The following ANKRD53 variants were observed in gnomAD, a reference collection of about 807,000 sequenced individuals.
The protein encoded by ANKRD53 is ankyrin repeat domain-containing protein 53.
ANKRD53 carries 27 observed loss-of-function variants against 30.1 expected under a neutral mutation model. The observed-to-expected ratio is 0.90, with a 90% confidence interval of 0.66 to 1.24. The LOEUF (loss-of-function observed/expected upper bound fraction) is 1.24. Among genes scored for constraint, ANKRD53 ranks in the 50% most tolerant of loss-of-function variants. The probability of loss-of-function intolerance (pLI) is 0.00; values close to 1 mark genes in which losing one functional copy is unlikely to be tolerated. For missense variants in ANKRD53, 682 were observed against 721.0 expected (o/e 0.95, Z 0.62); for synonymous variants, 286 against 295.4 (o/e 0.97, Z 0.33).
In ANKRD53 at chr2:70,985,329, G is replaced by A. The variant is rs1430740984; in HGVS notation, c.*29G>A. The A allele has an allele frequency of 5.9e-6, 9 of 1,535,488 alleles. No individual in the cohort carries two copies. The highest frequency in any genetic ancestry group is 1.4e-5 in the African/African-American group (1 of 72,874). ...TATTATGGCTACCTCTCCCCCTGAG[G>A]CAGCCCAGTGAAGGCTGAAGTGTGG... On this transcript the variant is annotated 3_prime_UTR_variant, in exon 6 of 6. Transcript: ENST00000360589.
rs1008432813 is a variant in ANKRD53 at position 70,984,475 on chromosome 2, T to A, written c.904-136T>A. 3.9e-6 allele frequency: 6 copies of A among 1,525,390 alleles called. No homozygotes were observed. The African/African-American group carries it at 5.6e-5, about 14-fold the overall frequency. The allele number at this position is 1,525,390 out of a possible 1,614,324, so 94.5% of individuals were successfully genotyped here. ...GGTGTTGCTTCCATCAGACTCAGAC[T>A]TTCCCTCCCATCAGACTCAGAGTTT... On this transcript the variant is annotated intron_variant, in intron 5 of 5. Transcript: ENST00000360589.
intron 5 of ANKRD53, 154 bp from the exon 6 acceptor site, chr2:70,984,457 C>G: frequency 1.0e-6 from 1 of 985,416 alleles, no homozygotes. Context: ...GCAGGTGTTG[C>G]TTCCATCAGA....
rs782123032 is a variant in ANKRD53, at chr2:70,982,633, C to T, written c.839C>T (p.Thr280Met). Residue 280 changes from threonine (T) to methionine (M), a missense_variant, in exon 5 of 6, where the codon ACG becomes ATG. By Grantham distance (81) the Thr-to-Met change is moderately conservative (BLOSUM62 -1). Transcript: ENST00000360589. This position sits in a 1 kb window ranked among gnomAD's most constrained non-coding sequence, Gnocchi z 4.2. ...KDKKDFAREM[T>M]KMKMFKSQLT... ...AAGAAGGACTTTGCCCGTGAGATGA[C>T]GAAAATGAAGATGTTCAAGAGCCAG... is the stretch of plus-strand genomic sequence containing the variant. 42 of 1,613,908 alleles carry T rather than the reference C, an allele frequency of 2.6e-5. No individual in the cohort carries two copies. Among genetic ancestry groups the T allele is most frequent in the Admixed American group, 1.0e-4 (6 of 59,984 alleles).
At chr2:70,984,276 A>G in intron 5 of ANKRD53, 1 of 1,614,092 alleles carries the variant, frequency 6.2e-7, no homozygotes, top group Non-Finnish European at 8.5e-7. Context: ...TCCCTAGGGC[A>G]GGGACTGTGT....
Position 70,978,916 on chromosome 2 carries a change from GC to G in ANKRD53, c.170+104del. On this transcript the variant is annotated intron_variant, in intron 1 of 5. Transcript: ENST00000360589. The surrounding 1 kb of genome is among the most constrained non-coding windows in gnomAD (Gnocchi z 4.3). ...GGAGCGGGCGGGGGCGGAGGCTGCG[GC>G]CCGAGAAGCCAGCAGAGACAGGCTG... 2 of 1,452,900 alleles carry G rather than the reference GC, an allele frequency of 1.4e-6. No individual in the cohort carries two copies. The highest frequency in any genetic ancestry group is 1.8e-6 in the Non-Finnish European group (2 of 1,099,234). 90.0% of individuals were successfully genotyped at this position (1,452,900 alleles called of 1,614,324 possible).
chr2:70,980,567 G>A (rs1368283386), intron 3 of ANKRD53, among the ~76,000 whole-genome samples: 3 of 151,724 alleles, frequency 2.0e-5, no homozygotes, highest in East Asian at 1.9e-4. Flanking sequence ...GCTTGAACCC[G>A]GGAGGTGGAG....
At chr2:70,984,540 A>G in intron 5 of ANKRD53, 71 bp from the exon 6 acceptor site, 3 of 1,565,474 alleles carry the variant, frequency 1.9e-6, no homozygotes, top group Non-Finnish European at 2.6e-6. Flanking sequence ...AGCTACAGCC[A>G]CAGGACCTCC....
chr2:70,980,495 C>T (rs1422748951), intron 3 of ANKRD53, among the ~76,000 whole-genome samples: 9 of 151,144 alleles, frequency 6.0e-5, no homozygotes, highest in Non-Finnish European at 8.8e-5. Context: ...AAAATATGAA[C>T]ACCTGGCCGG....
At chr2:70,981,372 G>C (rs782684778) in intron 3 of ANKRD53, among the ~76,000 whole-genome samples, 9 of 152,094 alleles carry the variant, frequency 5.9e-5, no homozygotes, top group Non-Finnish European at 7.3e-5. Context: ...GATGGTGTAG[G>C]GGGTAAAGCA....
rs983664063 is a variant in ANKRD53, at chr2:70,982,282, G to A, written c.782+182G>A. Reference sequence around the variant, plus strand: ...ATCACCTCATCACCTGGGCTTGGGGGTAAGTCTGCCCAGGTCCCCTGCTCT... The same window carrying A: ...ATCACCTCATCACCTGGGCTTGGGGATAAGTCTGCCCAGGTCCCCTGCTCT... On this transcript the variant is annotated intron_variant, in intron 4 of 5. Transcript: ENST00000360589. This position sits in a 1 kb window ranked among gnomAD's most constrained non-coding sequence, Gnocchi z 4.2. 3.6e-5 allele frequency: 29 copies of A among 809,482 alleles called. 1 individual carries two copies. The Middle Eastern group carries it at 1.1e-3, about 31-fold the overall frequency. 50.1% of individuals were successfully genotyped at this position (809,482 alleles called of 1,614,324 possible).
intron 3 of ANKRD53, 110 bp from the exon 4 acceptor site, chr2:70,981,825 TG>T: frequency 8.2e-7 from 1 of 1,216,160 alleles, no homozygotes; most frequent in Non-Finnish European, 1.1e-6. Flanking sequence ...GATCACCCAG[TG>T]GACTGATGGT....
At chr2:70,979,597 T>C (rs1553423147) in intron 2 of ANKRD53, 64 bp from the exon 3 acceptor site, 5 of 1,512,202 alleles carry the variant, frequency 3.3e-6, no homozygotes, top group Non-Finnish European at 3.6e-6. Flanking sequence ...TAAATTTATA[T>C]AAATTGTGGA....
rs782540262 is a variant in ANKRD53, at chr2:70,982,561, C to A, written c.783-16C>A. 108 of 1,613,792 alleles carry A rather than the reference C, an allele frequency of 6.7e-5. No individual in the cohort carries two copies. The highest frequency in any genetic ancestry group is 8.8e-5 in the Non-Finnish European group (104 of 1,179,844). On this transcript the variant is annotated splice_polypyrimidine_tract_variant and intron_variant, in intron 4 of 5. Transcript: ENST00000360589. The surrounding 1 kb of genome is among the most constrained non-coding windows in gnomAD (Gnocchi z 4.2). ...GTCACTGTGGGATGACACCCCCGCC[C>A]TGACCTTGGCACCAGGTTCTTGAAG...
At position 70,982,710 on chromosome 2, in the gene ANKRD53, G is replaced by A; in HGVS notation, c.903+13G>A. 6.2e-7 allele frequency: 1 copy of A among 1,613,128 alleles called. No homozygotes were observed. Among genetic ancestry groups the A allele is most frequent in the Non-Finnish European group, 8.5e-7 (1 of 1,179,458 alleles). On this transcript the variant is annotated intron_variant, in intron 5 of 5. Transcript: ENST00000360589. This position sits in a 1 kb window ranked among gnomAD's most constrained non-coding sequence, Gnocchi z 4.2. ...GATTGAGTATCAAGTAAGGGGGACAGCAGGGGGGCCAGGGGACAGCTGCTA... is the reference window on the plus strand; with the variant it reads ...GATTGAGTATCAAGTAAGGGGGACAACAGGGGGGCCAGGGGACAGCTGCTA...
intron 5 of ANKRD53, 116 bp from the exon 6 acceptor site, chr2:70,984,495 G>C: frequency 6.5e-7 from 1 of 1,532,674 alleles, no homozygotes. Context: ...ATCAGACTCA[G>C]AGTTTCCCTC....
rs150663809 is a variant in ANKRD53, at chr2:70,981,716, C to T, written c.618-220C>T. 5.9e-3 allele frequency among the ~76,000 whole-genome samples: 898 copies of T among 152,298 alleles called. 8 individuals carry two copies. Among genetic ancestry groups the T allele is most frequent in the African/African-American group, 0.02 (846 of 41,572 alleles). Reference sequence around the variant, plus strand: ...TCTCCTTCCAGCAGTTCTTAACTATCACATACCTTCTAAAGTCAGATTTTT... The same window carrying T: ...TCTCCTTCCAGCAGTTCTTAACTATTACATACCTTCTAAAGTCAGATTTTT... On this transcript the variant is annotated intron_variant, in intron 3 of 5. Transcript: ENST00000360589.
Position 70,985,284 on chromosome 2 carries a change from C to A in ANKRD53, c.1577C>A (p.Pro526Gln). 1 of 1,549,590 alleles carries A rather than the reference C, an allele frequency of 6.5e-7. No homozygotes were observed. The highest frequency in any genetic ancestry group is 8.7e-7 in the Non-Finnish European group (1 of 1,146,508). Reference protein sequence around the residue: ...SHQGLPTLPSPQTNP With the variant: ...SHQGLPTLPSQQTNP ...CAAGGACTCCCCACCCTGCCCTCCCCACAAACCAACCCATAAAGTTATTAT... is the reference window on the plus strand; with the variant it reads ...CAAGGACTCCCCACCCTGCCCTCCCAACAAACCAACCCATAAAGTTATTAT... The change falls in exon 6 of 6, where the codon CCA (proline) becomes CAA (glutamine). Residue 526 changes from proline (P) to glutamine (Q), a missense_variant. Transcript: ENST00000360589.
At chr2:70,981,626 G>C (rs1670011605) in intron 3 of ANKRD53, among the ~76,000 whole-genome samples, 1 of 152,182 alleles carries the variant, frequency 6.6e-6, no homozygotes, top group South Asian at 2.1e-4. Flanking sequence ...TGAGGCATAG[G>C]GAAAGGGCAG....
rs1553423999 is a variant in ANKRD53 at position 70,983,204 on chromosome 2, A to AG, written c.903+510dup. ...CCCATCAAGGAGGAGAGGGTCCAGG[A>AG]GGGTGTCAGGAGGCATGATGCTTAA... On this transcript the variant is annotated intron_variant, in intron 5 of 5. Transcript: ENST00000360589. 2.0e-5 allele frequency among the ~76,000 whole-genome samples: 3 copies of AG among 152,154 alleles called. 1 individual carries two copies. The highest frequency in any genetic ancestry group is 7.2e-5 in the African/African-American group (3 of 41,420).
Sources: gnomAD v4.1 joint callset for allele counts (sites outside exome capture counted in the v4.1 genomes callset) on GRCh38, gnomAD v4.1.1 for gene constraint, Gnocchi (gnomAD v3.1) non-coding constraint, MANE v1.5 for transcripts, NCBI Gene and HGNC (gene_info 2026-07-23, HGNC 2026-07-21) for gene names.